ADISSP: variants seen among roughly 807,000 people sequenced by gnomAD.
The protein encoded by ADISSP is adipose secreted signaling protein, also known as adipose-secreted signaling protein.
chr20:3,760,091 C>T, the ADISSP span: 1 of 1,612,420 alleles, frequency 6.2e-7, no homozygotes. Context: ...CCCTTGTTGG[C>T]TGCAGCCATG....
chr20:3,762,754 T>C, the ADISSP span, among the ~76,000 whole-genome samples: 4 of 152,256 alleles, frequency 2.6e-5, no homozygotes, highest in Non-Finnish European at 5.9e-5. Context: ...CAAGTAGTTA[T>C]GATAGAGACC....
the ADISSP span, chr20:3,755,581 C>T: frequency 1.2e-6 from 2 of 1,608,810 alleles, no homozygotes; most frequent in African/African-American, 2.7e-5. Context: ...TAATCTCATA[C>T]CTGTGCAGGA....
chr20:3,755,525 T>C, the ADISSP span: 3 of 1,613,300 alleles, frequency 1.9e-6, no homozygotes, highest in East Asian at 6.7e-5. Context: ...GACAGGTGCC[T>C]CGCGGACATC....
the ADISSP span, among the ~76,000 whole-genome samples, chr20:3,759,139 C>T: frequency 6.6e-6 from 1 of 152,194 alleles, no homozygotes; most frequent in Non-Finnish European, 1.5e-5. This position sits in a 1 kb window ranked among gnomAD's most constrained non-coding sequence, Gnocchi z 4.6. Flanking sequence ...ATGACCCAAA[C>T]CTGAAAGGGC....
the ADISSP span, chr20:3,758,665 T>C: frequency 6.2e-7 from 1 of 1,614,062 alleles, no homozygotes. The surrounding 1 kb of genome is among the most constrained non-coding windows in gnomAD (Gnocchi z 5.5). Context: ...TACTCCGGAC[T>C]CTGGGCTTGT....
the ADISSP span, among the ~76,000 whole-genome samples, chr20:3,757,046 T>TA: frequency 6.6e-6 from 1 of 151,974 alleles, no homozygotes; most frequent in Non-Finnish European, 1.5e-5. Context: ...AATAAATAAA[T>TA]AACATTTTAA....
chr20:3,768,107 T>G, the ADISSP span: 1 of 152,284 alleles, frequency 6.6e-6, no homozygotes, highest in Non-Finnish European at 1.5e-5. Context: ...CGCACCTCCC[T>G]TGGGCCCTTC....
chr20:3,763,563 A>T, the ADISSP span, among the ~76,000 whole-genome samples: 180 of 152,132 alleles, frequency 1.2e-3, 1 homozygote, highest in African/African-American at 4.1e-3. Flanking sequence ...GTCTCAAAAA[A>T]AAAAAAAAAA....
the ADISSP span, among the ~76,000 whole-genome samples, chr20:3,761,441 C>T: frequency 1.3e-5 from 2 of 151,828 alleles, no homozygotes; most frequent in Non-Finnish European, 2.9e-5. Context: ...GTTCGAGCGA[C>T]TCTCCCACCT....
the ADISSP span, chr20:3,754,211 C>G: frequency 2.1e-5 from 33 of 1,547,326 alleles, no homozygotes; most frequent in Non-Finnish European, 2.8e-5. Flanking sequence ...CCCACCCATG[C>G]GGCCCACTAA....
the ADISSP span, chr20:3,760,217 T>C: frequency 1.2e-6 from 1 of 808,896 alleles, no homozygotes; most frequent in Non-Finnish European, 2.0e-6. Context: ...AGGGCAGGGG[T>C]CAGGGCCACT....
chr20:3,754,304 T>G, the ADISSP span: 8 of 1,521,726 alleles, frequency 5.3e-6, no homozygotes, highest in Non-Finnish European at 7.2e-6. Flanking sequence ...CGGGCAAGGA[T>G]CCCTTGTTCA....
chr20:3,758,889 G>A, the ADISSP span, among the ~76,000 whole-genome samples: 2 of 152,186 alleles, frequency 1.3e-5, no homozygotes, highest in Non-Finnish European at 2.9e-5. The surrounding 1 kb of genome is among the most constrained non-coding windows in gnomAD (Gnocchi z 5.5). Context: ...CATCCCCTGA[G>A]AGTGAGCGTG....
the ADISSP span, among the ~76,000 whole-genome samples, chr20:3,763,308 A>G: frequency 9.3e-5 from 14 of 151,278 alleles, no homozygotes; most frequent in East Asian, 2.7e-3. Context: ...CTGTAATCAC[A>G]GCACTGTGGG....
chr20:3,760,122 G>A, the ADISSP span: 1 of 1,594,054 alleles, frequency 6.3e-7, no homozygotes, highest in East Asian at 2.2e-5. Flanking sequence ...CTGCCACGCA[G>A]CTCCTGCCAG....
the ADISSP span, among the ~76,000 whole-genome samples, chr20:3,758,846 CGCCG>C: frequency 6.6e-6 from 1 of 152,194 alleles, no homozygotes; most frequent in Non-Finnish European, 1.5e-5. The surrounding 1 kb of genome is among the most constrained non-coding windows in gnomAD (Gnocchi z 5.5). Flanking sequence ...GAGGCCTCCC[CGCCG>C]GCCCCGACCT....
chr20:3,764,941 CTGCAGTCAGCTGG>C, the ADISSP span, among the ~76,000 whole-genome samples: 2 of 152,242 alleles, frequency 1.3e-5, no homozygotes, highest in Non-Finnish European at 2.9e-5. Context: ...TCAGGCCTTG[CTGCAGTCAGCTGG>C]TTACCTGTCC....
the ADISSP span, among the ~76,000 whole-genome samples, chr20:3,764,029 C>T: frequency 6.6e-6 from 1 of 152,198 alleles, no homozygotes; most frequent in African/African-American, 2.4e-5. Context: ...GGAGCTACAC[C>T]CATTCACCTC....
chr20:3,754,286 C>G, the ADISSP span: 1 of 1,496,460 alleles, frequency 6.7e-7, no homozygotes, highest in Non-Finnish European at 9.2e-7. Context: ...GGTTGAGAAC[C>G]CCTGAGCCGG....
Sources: gnomAD v4.1 joint callset for allele counts (sites outside exome capture counted in the v4.1 genomes callset) on GRCh38, gnomAD v4.1.1 for gene constraint, Gnocchi (gnomAD v3.1) non-coding constraint, MANE v1.5 for transcripts, NCBI Gene and HGNC (gene_info 2026-07-23, HGNC 2026-07-21) for gene names.